The following CCDC88C variants were observed in gnomAD, a reference collection of about 807,000 sequenced individuals.
CCDC88C encodes protein Daple.
Under a neutral mutation model 198.8 loss-of-function variants are expected in CCDC88C, and 131 were observed. The ratio of observed to expected loss-of-function variants is 0.66; its 90% CI spans 0.57 to 0.76. The LOEUF (loss-of-function observed/expected upper bound fraction) is 0.76, where lower values mean the gene tolerates loss of function less well. CCDC88C is among the 30% of genes least tolerant of loss of function. CCDC88C has a pLI of 0.00. For synonymous variants in CCDC88C, 1,166 were observed against 1,114.7 expected, an observed-to-expected ratio of 1.05 and a Z score of -0.92; for missense variants, 2,553 against 2,631.6, an observed-to-expected ratio of 0.97 and a Z score of 0.65.
In CCDC88C at chr14:91,301,191, G is replaced by A. The variant is rs751194078; in HGVS notation, c.3636-1121C>T. On this transcript the variant is annotated intron_variant, in intron 20 of 29. Transcript: ENST00000389857. Reference sequence around the variant, plus strand: ...GAGCAATGAGTGGGTGAGCGTCTCCGATTTTAGTGTCAAATGAGAAGAAGA... The same window carrying A: ...GAGCAATGAGTGGGTGAGCGTCTCCAATTTTAGTGTCAAATGAGAAGAAGA... 3.3e-5 allele frequency among the ~76,000 whole-genome samples: 5 copies of A among 152,180 alleles called. No homozygotes were observed. The South Asian group carries it at 6.2e-4, about 19-fold the overall frequency.
intron 3 of CCDC88C, among the ~76,000 whole-genome samples, chr14:91,378,387 G>A (rs1387299439): frequency 6.6e-6 from 1 of 152,282 alleles, no homozygotes; most frequent in Admixed American, 6.5e-5. Context: ...GGGAGCGCTG[G>A]GCCTGACATG....
rs952019873 is a variant in CCDC88C at position 91,285,669 on chromosome 14, A to T, written c.4442-2152T>A. The stretch of plus-strand genomic sequence containing the variant: ...TACAGACACATGATAAAGGAAAGGG[A>T]TTAGAAATCTCCAATGTCGGAGAAA... On this transcript the variant is annotated intron_variant, in intron 25 of 29. Transcript: ENST00000389857. The T allele has an allele frequency of 3.1e-6, 4 of 1,288,316 alleles. No individual in the cohort carries two copies. In the African/African-American group the frequency reaches 4.6e-5, roughly 15 times the overall value. The allele number at this position is 1,288,316 out of a possible 1,614,324, so 79.8% of individuals were successfully genotyped here.
At position 91,349,776 on chromosome 14, in the gene CCDC88C, C is replaced by T. The variant is rs146736226; in HGVS notation, c.341-6119G>A. Among the ~76,000 whole-genome samples the T allele has an allele frequency of 3.1e-3, 475 of 152,320 alleles. 6 individuals are homozygous for T. Among genetic ancestry groups the T allele is most frequent in the African/African-American group, 0.011 (444 of 41,562 alleles). On this transcript the variant is annotated intron_variant, in intron 4 of 29. Transcript: ENST00000389857. ...CATAAGCTATATAGAAAGCTGCAGA[C>T]GTTAACAGTCATAAGCTTCCAAAAC...
rs1043452689 is a variant in CCDC88C at position 91,283,756 on chromosome 14, G to C, written c.4442-239C>G. The C allele has an allele frequency of 7.2e-6, 4 of 556,812 alleles. No homozygotes were observed. In the African/African-American group the frequency reaches 7.5e-5, roughly 10 times the overall value. 34.5% of individuals were successfully genotyped at this position (556,812 alleles called of 1,614,324 possible). A position where few individuals can be genotyped will look rare whatever the true frequency, so the allele number is the denominator to read the frequency against. On this transcript the variant is annotated intron_variant, in intron 25 of 29. Transcript: ENST00000389857. ...AGGATGGCTCTGGCTTTAATGCTGG[G>C]GTCATACTGCCAGCCCTGAGAGGCT...
At chr14:91,379,851 C>T (rs1002910722) in intron 3 of CCDC88C, 28 of 702,870 alleles carry the variant, frequency 4.0e-5, no homozygotes, top group Middle Eastern at 4.6e-4. Flanking sequence ...TGTGTCTGCC[C>T]GCAAGAAGTT....
intron 3 of CCDC88C, among the ~76,000 whole-genome samples, chr14:91,400,979 C>T (rs543573265): frequency 2.0e-5 from 3 of 151,730 alleles, no homozygotes; most frequent in East Asian, 3.9e-4. Flanking sequence ...TACACCCACA[C>T]GATAAAATGT....
At chr14:91,303,575 C>T (rs1199972154) in intron 20 of CCDC88C, 126 bp downstream of exon 20, 10 of 981,426 alleles carry the variant, frequency 1.0e-5, no homozygotes, top group African/African-American at 1.7e-5. Flanking sequence ...CTCCACCCAT[C>T]TTCCCCAGGC....
chr14:91,378,062 G>C (rs2139944418), intron 3 of CCDC88C, among the ~76,000 whole-genome samples: 1 of 152,346 alleles, frequency 6.6e-6, no homozygotes, highest in South Asian at 2.1e-4. Context: ...GATAAAACAT[G>C]ACCTCTGGCC....
At chr14:91,412,060 T>G (rs933999480) in intron 2 of CCDC88C, among the ~76,000 whole-genome samples, 9 of 152,040 alleles carry the variant, frequency 5.9e-5, no homozygotes, top group Non-Finnish European at 1.3e-4. Flanking sequence ...CCCCCTCCTT[T>G]GGGAAAGCCA....
intron 3 of CCDC88C, among the ~76,000 whole-genome samples, chr14:91,392,138 C>T (rs577775783): frequency 6.6e-6 from 1 of 152,184 alleles, no homozygotes; most frequent in Non-Finnish European, 1.5e-5. Context: ...GCTGCTCCCA[C>T]TGACCCTGTT....
chr14:91,378,410 T>C (rs1025849141), intron 3 of CCDC88C, among the ~76,000 whole-genome samples: 1 of 152,094 alleles, frequency 6.6e-6, no homozygotes, highest in Non-Finnish European at 1.5e-5. Context: ...GGGAACTGGG[T>C]TAATTGTTCA....
rs1163456405 is a variant in CCDC88C, at chr14:91,417,742, C to G, written c.-52G>C. On this transcript the variant is annotated 5_prime_UTR_variant, in exon 1 of 30. Coordinates refer to ENST00000389857, the MANE Select transcript of CCDC88C (RefSeq NM_001080414.4). Reference sequence around the variant, plus strand: ...GCCCCCCGCCCCGCGTCCCCGTTCCCCCGCGCCGCGGCACAAAACGGCTCC... The same window carrying G: ...GCCCCCCGCCCCGCGTCCCCGTTCCGCCGCGCCGCGGCACAAAACGGCTCC... 2 of 1,426,488 alleles carry G rather than the reference C, an allele frequency of 1.4e-6. No individual in the cohort carries two copies. Among genetic ancestry groups the G allele is most frequent in the South Asian group, 1.3e-5 (1 of 75,072 alleles). The allele number at this position is 1,426,488 out of a possible 1,614,324, so 88.4% of individuals were successfully genotyped here.
intron 4 of CCDC88C, among the ~76,000 whole-genome samples, chr14:91,348,969 C>T (rs977809125): frequency 6.6e-6 from 1 of 152,158 alleles, no homozygotes; most frequent in Admixed American, 6.5e-5. Flanking sequence ...GAAGTTTCCT[C>T]ATTTCTCATG....
intron 3 of CCDC88C, among the ~76,000 whole-genome samples, chr14:91,362,097 G>T (rs1176588325): frequency 6.6e-6 from 1 of 152,120 alleles, no homozygotes; most frequent in African/African-American, 2.4e-5. Context: ...AGCCAGGCCT[G>T]GTGACGCATG....
intron 16 of CCDC88C, among the ~76,000 whole-genome samples, chr14:91,309,383 G>C (rs1354660534): frequency 6.6e-6 from 1 of 152,076 alleles, no homozygotes; most frequent in Non-Finnish European, 1.5e-5. Context: ...TGGGCAGATC[G>C]CTTTGAGCTC....
chr14:91,401,577 C>T (rs890166982), intron 3 of CCDC88C, among the ~76,000 whole-genome samples: 26 of 151,780 alleles, frequency 1.7e-4, no homozygotes, highest in African/African-American at 6.1e-4. Context: ...CCTCATGATC[C>T]GTCTGCCTTG....
intron 2 of CCDC88C, among the ~76,000 whole-genome samples, chr14:91,412,481 G>A (rs1886841427): frequency 6.6e-6 from 1 of 151,426 alleles, no homozygotes; most frequent in African/African-American, 2.4e-5. Context: ...TGTTGCCCAG[G>A]CTGGGTGCAG....
chr14:91,400,333 G>A (rs1886099724), intron 3 of CCDC88C, among the ~76,000 whole-genome samples: 2 of 152,234 alleles, frequency 1.3e-5, no homozygotes, highest in South Asian at 4.1e-4. Context: ...GGAGGACGGG[G>A]GACCCCCCGC....
Position 91,297,332 on chromosome 14 carries a change from C to A in CCDC88C, c.3939G>T (p.Ser1313=). Residue 1313 remains serine (S), a synonymous_variant, in exon 22 of 30, where the codon TCG becomes TCT. Transcript: ENST00000389857. ...CACAGTGGTTGTCCAGCTTGGTCAGCGAGATGTCCATGGTCTGGTGCTGCT... is the reference window on the plus strand; with the variant it reads ...CACAGTGGTTGTCCAGCTTGGTCAGAGAGATGTCCATGGTCTGGTGCTGCT... ...LKEQHQTMDI[S]LTKLDNHCEL... The A allele has an allele frequency of 6.2e-7, 1 of 1,613,652 alleles. No homozygotes were observed. The highest frequency in any genetic ancestry group is 8.5e-7 in the Non-Finnish European group (1 of 1,179,784).
Sources: gnomAD v4.1 joint callset for allele counts (sites outside exome capture counted in the v4.1 genomes callset) on GRCh38, gnomAD v4.1.1 for gene constraint, MANE v1.5 for transcripts, NCBI Gene and HGNC (gene_info 2026-07-23, HGNC 2026-07-21) for gene names.